The following ABCB4 variants were observed in gnomAD, a reference collection of about 807,000 sequenced individuals.
ABCB4 encodes the protein ATP binding cassette subfamily B member 4.
A neutral mutation model predicts 145.7 loss-of-function variants in ABCB4; 76 were observed. That is an observed-to-expected ratio of 0.52 (90% CI 0.43 to 0.63). ABCB4 has a LOEUF of 0.63. Ranked by LOEUF, ABCB4 falls within the 30% of genes least tolerant of loss-of-function variation. The probability of loss-of-function intolerance (pLI) is 0.00; values close to 1 mark genes in which losing one functional copy is unlikely to be tolerated. For synonymous variants in ABCB4, 517 were observed against 566.8 expected (o/e 0.91, Z 1.25); for missense variants, 1,234 against 1,553.1 (o/e 0.79, Z 3.45).
the ABCB4 span, chr7:87,369,413 G>A: frequency 6.2e-7 from 1 of 1,613,010 alleles, no homozygotes; most frequent in Admixed American, 1.7e-5. Flanking sequence ...TTGTAGTGCT[G>A]TGTCGAGGCC....
intron 3 of ABCB4, among the ~76,000 whole-genome samples, chr7:87,471,699 C>A (rs778197198): frequency 5.9e-5 from 9 of 152,102 alleles, no homozygotes; most frequent in Non-Finnish European, 8.8e-5. Context: ...TCATATTTAC[C>A]AAAAATGGGC....
Position 87,443,657 on chromosome 7 carries a change from C to CAGT in ABCB4, c.1230+3_1230+5dup. On this transcript the variant is annotated splice_donor_region_variant and intron_variant, in intron 11 of 27. Coordinates refer to ENST00000649586, the MANE Select transcript of ABCB4 (RefSeq NM_000443.4). ...TAGGAATTCCTATAAATATTACTTA[C>CAGT]AGTACCTTGACGTTAGCTCGAGAAG... The CAGT allele has an allele frequency of 6.2e-7, 1 of 1,608,142 alleles. No individual in the cohort carries two copies. The highest frequency in any genetic ancestry group is 8.5e-7 in the Non-Finnish European group (1 of 1,174,688).
chr7:87,452,517 T>C (rs1008904467), intron 6 of ABCB4: 3 of 235,838 alleles, frequency 1.3e-5, no homozygotes, highest in South Asian at 6.0e-5. Context: ...TTCACTGATA[T>C]ATTACGAACA....
intron 26 of ABCB4, among the ~76,000 whole-genome samples, chr7:87,404,601 A>G (rs1009753521): frequency 1.3e-5 from 2 of 152,356 alleles, no homozygotes; most frequent in East Asian, 3.9e-4. Context: ...GAAAACATTT[A>G]CAAACTACAT....
rs771703319 is a variant in ABCB4 at position 87,452,934 on chromosome 7, A to G, written c.536+10T>C. 18 of 1,611,124 alleles carry G rather than the reference A, an allele frequency of 1.1e-5. No homozygotes were observed. The highest frequency in any genetic ancestry group is 1.5e-5 in the Non-Finnish European group (18 of 1,177,296). Reference sequence around the variant, plus strand: ...TCTATATGAAAGTGTGACATTAACAATGTACCTACTCTGTTAGCCGCGTAT... The same window carrying G: ...TCTATATGAAAGTGTGACATTAACAGTGTACCTACTCTGTTAGCCGCGTAT... On this transcript the variant is annotated intron_variant, in intron 6 of 27. Transcript: ENST00000649586.
chr7:87,436,677 A>C (rs1810628914), intron 14 of ABCB4, among the ~76,000 whole-genome samples: 1 of 151,898 alleles, frequency 6.6e-6, no homozygotes, highest in South Asian at 2.1e-4. Context: ...TGGACTAGGG[A>C]ACCCACTCCT....
At chr7:87,469,128 T>G (rs1469307961) in intron 3 of ABCB4, among the ~76,000 whole-genome samples, 1 of 151,974 alleles carries the variant, frequency 6.6e-6, no homozygotes, top group Non-Finnish European at 1.5e-5. Flanking sequence ...AAAACCACAT[T>G]ATTATCTCAA....
the ABCB4 span, among the ~76,000 whole-genome samples, chr7:87,389,482 A>C: frequency 6.6e-6 from 1 of 152,194 alleles, no homozygotes; most frequent in Non-Finnish European, 1.5e-5. Context: ...AGGGACATGG[A>C]TGAAGCTGGA....
intron 21 of ABCB4, among the ~76,000 whole-genome samples, chr7:87,414,922 A>C (rs1808866104): frequency 6.6e-6 from 1 of 152,214 alleles, no homozygotes; most frequent in Non-Finnish European, 1.5e-5. Context: ...GAGAGAACCG[A>C]GGCACAGAGA....
chr7:87,422,262 A>T, intron 17 of ABCB4, 37 bp from the exon 18 acceptor site: 1 of 1,465,016 alleles, frequency 6.8e-7, no homozygotes, highest in Non-Finnish European at 9.5e-7. Flanking sequence ...CTTGGATTAC[A>T]TAACTGATCC....
the ABCB4 span, among the ~76,000 whole-genome samples, chr7:87,372,348 C>T: frequency 1.3e-5 from 2 of 152,218 alleles, no homozygotes; most frequent in South Asian, 4.1e-4. Context: ...TCTTTTTAAT[C>T]ATTTGCTTTT....
chr7:87,409,179 AG>A (rs963264982), intron 24 of ABCB4, 56 bp downstream of exon 24: 2 of 1,599,148 alleles, frequency 1.3e-6, no homozygotes, highest in African/African-American at 2.7e-5. Flanking sequence ...ATAATCTAGC[AG>A]ACAGCAAACC....
chr7:87,378,889 G>T, the ABCB4 span, among the ~76,000 whole-genome samples: 1 of 152,148 alleles, frequency 6.6e-6, no homozygotes, highest in Non-Finnish European at 1.5e-5. Context: ...TTGGTTAATA[G>T]GCACTGAAAG....
At chr7:87,428,454 A>G (rs1464187661) in intron 15 of ABCB4, among the ~76,000 whole-genome samples, 1 of 152,238 alleles carries the variant, frequency 6.6e-6, no homozygotes, top group Non-Finnish European at 1.5e-5. Context: ...AAATGGGGTA[A>G]ATATCCTTTC....
downstream of ABCB4, among the ~76,000 whole-genome samples, chr7:87,400,336 A>T (rs998983362): frequency 6.6e-6 from 1 of 152,256 alleles, no homozygotes; most frequent in Non-Finnish European, 1.5e-5. Flanking sequence ...AGATTACATC[A>T]TACTCAGGGT....
At chr7:87,463,805 C>A (rs45491897) in intron 3 of ABCB4, among the ~76,000 whole-genome samples, 8 of 152,170 alleles carry the variant, frequency 5.3e-5, no homozygotes, top group Non-Finnish European at 7.3e-5. Context: ...CAGTGAAGTG[C>A]ACAACCCTCA....
chr7:87,375,498 T>C, the ABCB4 span: 2 of 587,606 alleles, frequency 3.4e-6, no homozygotes, highest in African/African-American at 1.9e-5. Flanking sequence ...AGGAAATCTA[T>C]TGGCATCATA....
At position 87,452,927 on chromosome 7, in the gene ABCB4, A is replaced by G. The variant is rs1811845890; in HGVS notation, c.536+17T>C. On this transcript the variant is annotated intron_variant, in intron 6 of 27. Coordinates refer to ENST00000649586, the MANE Select transcript of ABCB4 (RefSeq NM_000443.4). ...ATTAATTTCTATATGAAAGTGTGAC[A>G]TTAACAATGTACCTACTCTGTTAGC... The G allele has an allele frequency of 2.5e-6, 4 of 1,610,660 alleles. No homozygotes were observed. In the East Asian group the frequency reaches 6.7e-5, roughly 27 times the overall value.
intron 4 of ABCB4, among the ~76,000 whole-genome samples, chr7:87,460,906 T>C (rs979124203): frequency 6.6e-6 from 1 of 152,082 alleles, no homozygotes; most frequent in Non-Finnish European, 1.5e-5. Flanking sequence ...TGTAGATCTG[T>C]AGATTTTCTA....
Sources: gnomAD v4.1 joint callset for allele counts (sites outside exome capture counted in the v4.1 genomes callset) on GRCh38, gnomAD v4.1.1 for gene constraint, MANE v1.5 for transcripts, NCBI Gene and HGNC (gene_info 2026-07-23, HGNC 2026-07-21) for gene names.